Variants in TCF20 observed in about 807,000 individuals in gnomAD.
TCF20 encodes the protein transcription factor 20, also known as SPRE-binding protein.
Under a neutral mutation model 148.6 loss-of-function variants are expected in TCF20, and 3 were observed. That is an observed-to-expected ratio of 0.02 (90% CI 0.01 to 0.05). The LOEUF (loss-of-function observed/expected upper bound fraction) is 0.05, where lower values mean the gene tolerates loss of function less well. TCF20 is among the 10% of genes least tolerant of loss of function. TCF20 has a pLI of 1.00. For synonymous variants in TCF20, 1,049 were observed against 909.5 expected, an observed-to-expected ratio of 1.15 and a Z score of -2.76; for missense variants, 2,350 against 2,429.3, an observed-to-expected ratio of 0.97 and a Z score of 0.69.
chr22:42,262,627 G>C (rs141280162), intron 1 of TCF20, among the ~76,000 whole-genome samples: 204 of 152,146 alleles, frequency 1.3e-3, no homozygotes, highest in African/African-American at 4.6e-3. Context: ...GGAGATCAGA[G>C]ATCACCGAGG....
chr22:42,194,679 G>A (rs1409899994), intron 2 of TCF20, among the ~76,000 whole-genome samples: 1 of 152,142 alleles, frequency 6.6e-6, no homozygotes, highest in African/African-American at 2.4e-5. Flanking sequence ...AACTAAGAGA[G>A]TGCTCTTGGT....
rs1002455180 is a variant in TCF20 at position 42,188,572 on chromosome 22, C to T, written c.5656-8870G>A. ...AAACTGCATGTCCAGAAAGTAGAAA[C>T]ATGGGTTGGATGAAAATTAATAAGA... is the stretch of plus-strand genomic sequence containing the variant. On this transcript the variant is annotated intron_variant, in intron 2 of 5. Transcript: ENST00000677622. 3.3e-5 allele frequency among the ~76,000 whole-genome samples: 5 copies of T among 152,104 alleles called. 1 individual carries two copies. The highest frequency in any genetic ancestry group is 1.3e-4 in the Admixed American group (2 of 15,266).
At chr22:42,303,522 G>C (rs1009863288) in intron 1 of TCF20, among the ~76,000 whole-genome samples, 3 of 152,266 alleles carry the variant, frequency 2.0e-5, no homozygotes, top group African/African-American at 4.8e-5. Flanking sequence ...TTCCAGCCGA[G>C]GGCATGAGTA....
At chr22:42,304,835 C>G (rs564935157) in intron 1 of TCF20, among the ~76,000 whole-genome samples, 1 of 152,158 alleles carries the variant, frequency 6.6e-6, no homozygotes, top group African/African-American at 2.4e-5. Flanking sequence ...GGGATGTGAA[C>G]CAGGTGTCAG....
At chr22:42,197,150 C>T (rs1272142761) in intron 2 of TCF20, among the ~76,000 whole-genome samples, 2 of 152,068 alleles carry the variant, frequency 1.3e-5, no homozygotes, top group Non-Finnish European at 2.9e-5. Flanking sequence ...CATGAGGACA[C>T]AATTCTAAGG....
intron 1 of TCF20, among the ~76,000 whole-genome samples, chr22:42,313,597 C>CTTTTTTTT (rs551146210): frequency 8.3e-6 from 1 of 120,314 alleles, no homozygotes. Context: ...AGAATTCTTT[C>CTTTTTTTT]TTTTTTTTTT....
At chr22:42,293,018 G>C (rs919901594) in intron 1 of TCF20, among the ~76,000 whole-genome samples, 2 of 151,980 alleles carry the variant, frequency 1.3e-5, no homozygotes, top group African/African-American at 4.8e-5. Flanking sequence ...CCAGCTCTGG[G>C]GCAAGGCAGG....
intron 1 of TCF20, among the ~76,000 whole-genome samples, chr22:42,280,706 T>A (rs1252739989): frequency 6.6e-6 from 1 of 152,190 alleles, no homozygotes; most frequent in African/African-American, 2.4e-5. Context: ...GAGGCTCAGA[T>A]GGATTGAGTG....
chr22:42,243,310 A>AAAAAAAAAAAAAAAAAAAAAAAAAAAC (rs1569180401), intron 1 of TCF20, among the ~76,000 whole-genome samples: 10 of 140,942 alleles, frequency 7.1e-5, no homozygotes, highest in African/African-American at 2.7e-4. Flanking sequence ...AAAAAAAAAA[A>AAAAAAAAAAAAAAAAAAAAAAAAAAAC]AAAAAAAAAA....
intron 3 of TCF20, among the ~76,000 whole-genome samples, chr22:42,170,537 A>G (rs1936062333): frequency 6.8e-6 from 1 of 147,434 alleles, no homozygotes; most frequent in Non-Finnish European, 1.5e-5. Context: ...CTGAGGCAGG[A>G]GAATCACTTG....
intron 1 of TCF20, among the ~76,000 whole-genome samples, chr22:42,310,542 C>T (rs532508169): frequency 6.6e-4 from 101 of 152,020 alleles, no homozygotes; most frequent in Middle Eastern, 3.2e-3. Flanking sequence ...CCAGGCTAGA[C>T]GAGGAAGGCA....
intron 1 of TCF20, among the ~76,000 whole-genome samples, chr22:42,306,967 G>A (rs374976105): frequency 2.6e-5 from 4 of 151,440 alleles, no homozygotes; most frequent in Middle Eastern, 3.2e-3. Flanking sequence ...TGACCCTGGG[G>A]AGCGGAGGTT....
chr22:42,167,121 T>A (rs188838916), intron 5 of TCF20, among the ~76,000 whole-genome samples: 3 of 152,312 alleles, frequency 2.0e-5, no homozygotes, highest in Admixed American at 2.0e-4. Flanking sequence ...CTGGTTCCTC[T>A]GACCCAGGAA....
intron 1 of TCF20, among the ~76,000 whole-genome samples, chr22:42,232,660 T>C (rs1411759023): frequency 6.6e-6 from 1 of 151,836 alleles, no homozygotes; most frequent in Non-Finnish European, 1.5e-5. Context: ...ACCCCATCTC[T>C]ACTAAAAAAA....
chr22:42,173,503 G>A (rs1264789644), intron 3 of TCF20, among the ~76,000 whole-genome samples: 1 of 152,220 alleles, frequency 6.6e-6, no homozygotes, highest in Non-Finnish European at 1.5e-5. Flanking sequence ...TGGGTTGACA[G>A]CAAGGCAGAG....
upstream of TCF20, among the ~76,000 whole-genome samples, chr22:42,270,975 G>T (rs1008773907): frequency 2.6e-5 from 4 of 152,126 alleles, no homozygotes; most frequent in African/African-American, 7.2e-5. Context: ...CTTTCTGGGG[G>T]AGTTGGTGGC....
At chr22:42,271,596 G>A (rs1315826271), upstream of TCF20, among the ~76,000 whole-genome samples, 1 of 152,236 alleles carries the variant, frequency 6.6e-6, no homozygotes, top group African/African-American at 2.4e-5. Context: ...TTGAGAATTT[G>A]TGATCCTGCC....
At chr22:42,250,132 T>C (rs915528366) in intron 1 of TCF20, among the ~76,000 whole-genome samples, 1 of 152,020 alleles carries the variant, frequency 6.6e-6, no homozygotes, top group Non-Finnish European at 1.5e-5. Context: ...TAGAAGACTA[T>C]GGTCTCTTTA....
At position 42,210,908 on chromosome 22, in the gene TCF20, G is replaced by A; in HGVS notation, c.4398C>T (p.Ser1466=). The part of the protein sequence containing the change: ...AGKEPPGAMT[S]TTSQKPGSNQ... Reference sequence around the variant, plus strand: ...TACTACCAGGCTTCTGTGAGGTTGTGGATGTCATGGCACCAGGGGGTTCCT... The same window carrying A: ...TACTACCAGGCTTCTGTGAGGTTGTAGATGTCATGGCACCAGGGGGTTCCT... Residue 1466 remains serine (S), a synonymous_variant, in exon 2 of 6, where the codon TCC becomes TCT. Coordinates refer to ENST00000677622, the MANE Select transcript of TCF20 (RefSeq NM_001378418.1). The surrounding 1 kb of genome is among the most constrained non-coding windows in gnomAD (Gnocchi z 4.7). 1 of 1,614,172 alleles carries A rather than the reference G, an allele frequency of 6.2e-7. No homozygotes were observed. The highest frequency in any genetic ancestry group is 8.5e-7 in the Non-Finnish European group (1 of 1,180,036).
Sources: gnomAD v4.1 joint callset for allele counts (sites outside exome capture counted in the v4.1 genomes callset) on GRCh38, gnomAD v4.1.1 for gene constraint, Gnocchi (gnomAD v3.1) non-coding constraint, MANE v1.5 for transcripts, NCBI Gene and HGNC (gene_info 2026-07-23, HGNC 2026-07-21) for gene names.